EMC3: variants seen among roughly 807,000 people sequenced by gnomAD.
The protein encoded by EMC3 is ER membrane protein complex subunit 3, also known as 30 kDa protein.
A neutral mutation model predicts 36.6 loss-of-function variants in EMC3; 13 were observed. That is an observed-to-expected ratio of 0.35 (90% CI 0.23 to 0.56). EMC3 has a LOEUF of 0.56. Ranked by LOEUF, EMC3 falls within the 20% of genes least tolerant of loss-of-function variation. The probability of loss-of-function intolerance (pLI) is 0.84; values close to 1 mark genes in which losing one functional copy is unlikely to be tolerated. For synonymous variants in EMC3, 120 were observed against 111.9 expected (o/e 1.07, Z -0.46); for missense variants, 220 against 324.5 (o/e 0.68, Z 2.47).
At chr3:9,990,834 AT>A (rs1399534612), upstream of EMC3, among the ~76,000 whole-genome samples, 1 of 139,936 alleles carries the variant, frequency 7.1e-6, no homozygotes, top group African/African-American at 3.2e-5. Context: ...TTATTTATTT[AT>A]TTATTTATTT....
At position 10,002,795 on chromosome 3, in the gene EMC3, A is replaced by ATGACCCTGTGTCTTCCCCCTCCAGCG. The variant is rs1255811431; in HGVS notation, c.-242+8227_-242+8228insCGCTGGAGGGGGAAGACACAGGGTCA. Reference sequence around the variant, plus strand: ...TCCCTGGCTCAACAAGCCTTCCAGCATGACCCTGTGTCTTCCCCCTCCACG... The same window carrying ATGACCCTGTGTCTTCCCCCTCCAGCG: ...TCCCTGGCTCAACAAGCCTTCCAGCATGACCCTGTGTCTTCCCCCTCCAGCGTGACCCTGTGTCTTCCCCCTCCACG... On this transcript the variant is annotated intron_variant, in intron 1 of 8. Transcript: ENST00000470827. 17 of 455,862 alleles carry ATGACCCTGTGTCTTCCCCCTCCAGCG rather than the reference A, an allele frequency of 3.7e-5. No homozygotes were observed. The Admixed American group carries it at 4.0e-4, about 11-fold the overall frequency. 28.2% of individuals were successfully genotyped at this position (455,862 alleles called of 1,614,324 possible).
chr3:9,971,913 G>A (rs1020049732), intron 5 of EMC3, among the ~76,000 whole-genome samples: 1 of 152,176 alleles, frequency 6.6e-6, no homozygotes, highest in Non-Finnish European at 1.5e-5. Context: ...CCACAGGCAA[G>A]AGTCTGGAGA....
upstream of EMC3, chr3:9,987,270 T>C (rs533449471): frequency 5.1e-6 from 5 of 975,116 alleles, no homozygotes; most frequent in South Asian, 2.4e-4. Flanking sequence ...TCTCGGTGAG[T>C]AAATGGAGCA....
At chr3:9,989,961 CTTT>C (rs75432385), upstream of EMC3, among the ~76,000 whole-genome samples, 1 of 133,672 alleles carries the variant, frequency 7.5e-6, no homozygotes, top group Non-Finnish European at 1.6e-5. Flanking sequence ...GCCTTTTTAA[CTTT>C]TTTTTTTTTT....
chr3:10,009,148 A>T (rs1449448380), intron 1 of EMC3: 1 of 152,280 alleles, frequency 6.6e-6, no homozygotes, highest in Non-Finnish European at 1.5e-5. Flanking sequence ...GACTCAGCCC[A>T]GCCTGGGCGG....
chr3:9,985,355 TGA>T (rs909293363), intron 1 of EMC3, among the ~76,000 whole-genome samples: 21 of 152,284 alleles, frequency 1.4e-4, no homozygotes, highest in Admixed American at 1.2e-3. Flanking sequence ...GAAATTAATG[TGA>T]GAGAGAGGTG....
chr3:10,002,912 G>A (rs2086221820), intron 1 of EMC3: 1 of 451,634 alleles, frequency 2.2e-6, no homozygotes, highest in African/African-American at 2.0e-5. Context: ...TCCACCCAGA[G>A]CACCTGTAGC....
At chr3:9,974,857 G>GTTTTT (rs71307728) in intron 3 of EMC3, among the ~76,000 whole-genome samples, 6 of 63,428 alleles carry the variant, frequency 9.5e-5, no homozygotes, top group South Asian at 5.7e-4. Flanking sequence ...CGCACCCAGC[G>GTTTTT]TTTTTTTTTT....
In EMC3 at chr3:9,986,835, T is replaced by C; in HGVS notation, c.-174A>G. ...TGCCTTCAGCTGGGCTGCCTGGTCT[T>C]CCACTTCCGGCGCGAACGTTGACGT... On this transcript the variant is annotated 5_prime_UTR_variant, in exon 1 of 8. Coordinates refer to ENST00000245046, the MANE Select transcript of EMC3 (RefSeq NM_001394674.1). 1 of 1,392,532 alleles carries C rather than the reference T, an allele frequency of 7.2e-7. No homozygotes were observed. The highest frequency in any genetic ancestry group is 9.3e-7 in the Non-Finnish European group (1 of 1,070,736). The allele number at this position is 1,392,532 out of a possible 1,614,324, so 86.3% of individuals were successfully genotyped here.
chr3:9,966,380 G>A (rs748735914), intron 7 of EMC3, among the ~76,000 whole-genome samples: 1 of 151,280 alleles, frequency 6.6e-6, no homozygotes, highest in Non-Finnish European at 1.5e-5. Context: ...CCGCCACCAC[G>A]CCCGGCTAAT....
intron 1 of EMC3, among the ~76,000 whole-genome samples, chr3:9,982,798 G>A (rs2124915905): frequency 6.6e-6 from 1 of 151,810 alleles, no homozygotes; most frequent in East Asian, 1.9e-4. Flanking sequence ...GAGGTGGGAG[G>A]ATCCTTGAGC....
At chr3:9,969,676 C>A (rs752388375) in intron 7 of EMC3, 43 bp downstream of exon 7, 29 of 1,613,998 alleles carry the variant, frequency 1.8e-5, no homozygotes, top group Non-Finnish European at 2.5e-5. Context: ...TTGGTAACAC[C>A]TTTCAGAGCA....
chr3:10,000,459 A>G (rs546568343), intron 1 of EMC3, among the ~76,000 whole-genome samples: 115 of 152,384 alleles, frequency 7.5e-4, no homozygotes, highest in Non-Finnish European at 1.5e-3. Context: ...TGGAATTACT[A>G]TTAAAATTCA....
chr3:10,007,551 G>T (rs775439348), intron 1 of EMC3: 3 of 1,367,666 alleles, frequency 2.2e-6, no homozygotes, highest in Non-Finnish European at 2.9e-6. Context: ...GAGGCCTGAC[G>T]TAGGAGTGCT....
chr3:10,006,036 C>T (rs1176845368), intron 1 of EMC3, among the ~76,000 whole-genome samples: 1 of 152,238 alleles, frequency 6.6e-6, no homozygotes, highest in Non-Finnish European at 1.5e-5. Context: ...AGTACACCTG[C>T]CAGCCTACAG....
At chr3:9,973,782 G>C (rs1265113256) in intron 4 of EMC3, 73 bp from the exon 5 acceptor site, 11 of 1,391,702 alleles carry the variant, frequency 7.9e-6, no homozygotes, top group Non-Finnish European at 1.1e-5. Context: ...CTTTCTCAGA[G>C]GAGGTGGGAA....
chr3:9,973,234 G>C (rs567989113), intron 5 of EMC3, among the ~76,000 whole-genome samples: 1 of 150,290 alleles, frequency 6.7e-6, no homozygotes, highest in Non-Finnish European at 1.5e-5. Flanking sequence ...TCGCTCTGTC[G>C]CCCAGGCTGG....
upstream of EMC3, among the ~76,000 whole-genome samples, chr3:9,989,978 T>C (rs1487423922): frequency 2.0e-5 from 3 of 151,142 alleles, no homozygotes; most frequent in Non-Finnish European, 2.9e-5. Flanking sequence ...TTTTTTTTTT[T>C]CCTGGAAGCA....
chr3:10,002,111 A>G (rs947089731), intron 1 of EMC3, among the ~76,000 whole-genome samples: 1 of 152,074 alleles, frequency 6.6e-6, no homozygotes, highest in South Asian at 2.1e-4. Context: ...GAATTTTGGT[A>G]TGGATCTTTC....
Sources: gnomAD v4.1 joint callset for allele counts (sites outside exome capture counted in the v4.1 genomes callset) on GRCh38, gnomAD v4.1.1 for gene constraint, MANE v1.5 for transcripts, NCBI Gene and HGNC (gene_info 2026-07-23, HGNC 2026-07-21) for gene names.